The following SLC39A11 variants were observed in gnomAD, a reference collection of about 807,000 sequenced individuals.
SLC39A11 encodes the protein solute carrier family 39 member 11.
Under a neutral mutation model 36.1 loss-of-function variants are expected in SLC39A11, and 33 were observed. That is an observed-to-expected ratio of 0.91 (90% CI 0.69 to 1.22). The LOEUF (loss-of-function observed/expected upper bound fraction) is 1.22. Ranked by LOEUF, SLC39A11 falls within the 50% of genes most tolerant of loss-of-function variation. The pLI is 0.00. For synonymous variants in SLC39A11, 166 were observed against 170.3 expected, an observed-to-expected ratio of 0.97 and a Z score of 0.20; for missense variants, 432 against 430.3, an observed-to-expected ratio of 1.00 and a Z score of -0.03.
chr17:72,849,109 C>A (rs932289904), intron 6 of SLC39A11, among the ~76,000 whole-genome samples: 1 of 152,122 alleles, frequency 6.6e-6, no homozygotes, highest in African/African-American at 2.4e-5. Context: ...ATTTACTATT[C>A]ATTAAGTGGA....
chr17:72,713,384 C>G lies in SLC39A11; in HGVS notation c.671+23266G>C, dbSNP rs111954026. Among the ~76,000 whole-genome samples the G allele has an allele frequency of 7.0e-4, 107 of 152,300 alleles. 1 individual carries two copies. The highest frequency in any genetic ancestry group is 2.3e-3 in the African/African-American group (96 of 41,560). ...CGCATCTTACAAAGCAGGAGCTCCT[C>G]CTGCACTCCCAGCCAGGGTGTAGAT... On this transcript the variant is annotated intron_variant, in intron 7 of 9. Coordinates refer to ENST00000255559, the MANE Select transcript of SLC39A11 (RefSeq NM_139177.4).
chr17:73,016,995 G>A (rs2058190225), intron 4 of SLC39A11, among the ~76,000 whole-genome samples: 1 of 152,196 alleles, frequency 6.6e-6, no homozygotes, highest in African/African-American at 2.4e-5. Flanking sequence ...CTAGAAGCAG[G>A]TATCAGTCAA....
intron 6 of SLC39A11, among the ~76,000 whole-genome samples, chr17:72,767,597 T>C (rs779942595): frequency 5.3e-5 from 8 of 152,194 alleles, no homozygotes; most frequent in Admixed American, 1.3e-4. Context: ...CTTCCATGAG[T>C]TGGTCAGCAG....
intron 7 of SLC39A11, among the ~76,000 whole-genome samples, chr17:72,721,966 C>T (rs1219129049): frequency 2.3e-5 from 1 of 43,328 alleles, no homozygotes; most frequent in African/African-American, 1.4e-4. Flanking sequence ...AAGCCTCCAT[C>T]TCAAAAAAAA....
At chr17:72,781,242 C>G (rs2076306097) in intron 6 of SLC39A11, among the ~76,000 whole-genome samples, 1 of 152,168 alleles carries the variant, frequency 6.6e-6, no homozygotes, top group Admixed American at 6.5e-5. Context: ...CCACGATCCT[C>G]TCAAACTCTC....
intron 4 of SLC39A11, among the ~76,000 whole-genome samples, chr17:72,994,844 T>A (rs2089407846): frequency 6.6e-6 from 1 of 152,228 alleles, no homozygotes; most frequent in South Asian, 2.1e-4. Flanking sequence ...AGCTTCTCCA[T>A]GCTTTGAATA....
At chr17:72,667,622 A>G (rs2070815356) in intron 7 of SLC39A11, among the ~76,000 whole-genome samples, 1 of 152,158 alleles carries the variant, frequency 6.6e-6, no homozygotes, top group East Asian at 1.9e-4. Context: ...ATATGCTACC[A>G]ATGCTATGAA....
At chr17:72,756,367 A>G (rs2075363772) in intron 6 of SLC39A11, among the ~76,000 whole-genome samples, 1 of 152,222 alleles carries the variant, frequency 6.6e-6, no homozygotes, top group African/African-American at 2.4e-5. Flanking sequence ...AGCAGCTCAA[A>G]CCTGGAAGCA....
rs2075059674 is a variant in SLC39A11, at chr17:72,749,280, GCTTGCAAC to G, written c.602-12569_602-12562del. ...ACCAATGAAGCCGTGGTGTAGAAAA[GCTTGCAAC>G]CCGGTAGCAAAGTTCCTTGACTCTG... is the stretch of plus-strand genomic sequence containing the variant. On this transcript the variant is annotated intron_variant, in intron 6 of 9. Coordinates refer to ENST00000255559, the MANE Select transcript of SLC39A11 (RefSeq NM_139177.4). 6.6e-5 allele frequency among the ~76,000 whole-genome samples: 10 copies of G among 152,296 alleles called. No homozygotes were observed. The South Asian group carries it at 2.1e-3, about 32-fold the overall frequency.
chr17:72,792,099 C>T (rs1308620747), intron 6 of SLC39A11, among the ~76,000 whole-genome samples: 2 of 152,134 alleles, frequency 1.3e-5, no homozygotes, highest in Non-Finnish European at 2.9e-5. Context: ...GGGAGACATC[C>T]CTCACCTTAA....
At chr17:72,693,747 C>T (rs1025738049) in intron 7 of SLC39A11, among the ~76,000 whole-genome samples, 3 of 152,208 alleles carry the variant, frequency 2.0e-5, no homozygotes, top group Non-Finnish European at 2.9e-5. Context: ...ACTCCAACCT[C>T]TGCCTCCCAG....
chr17:72,955,428 G>A (rs538954512), intron 4 of SLC39A11, among the ~76,000 whole-genome samples: 3 of 149,422 alleles, frequency 2.0e-5, no homozygotes, highest in East Asian at 3.9e-4. Context: ...TCAGCCTCTC[G>A]AGTAGTTGGG....
At chr17:72,699,127 C>A (rs1229691286) in intron 7 of SLC39A11, among the ~76,000 whole-genome samples, 1 of 152,118 alleles carries the variant, frequency 6.6e-6, no homozygotes, top group African/African-American at 2.4e-5. Flanking sequence ...CAGCGCCTGG[C>A]CGGAGGTTGG....
intron 7 of SLC39A11, among the ~76,000 whole-genome samples, chr17:72,714,910 A>C (rs929099586): frequency 1.3e-5 from 2 of 152,238 alleles, no homozygotes; most frequent in Non-Finnish European, 2.9e-5. Context: ...TTGTTTAAAC[A>C]GCAGTTGGTG....
chr17:72,987,800 C>T (rs1010631325), intron 4 of SLC39A11, among the ~76,000 whole-genome samples: 9 of 152,128 alleles, frequency 5.9e-5, no homozygotes, highest in African/African-American at 2.2e-4. Flanking sequence ...AACAATCTCC[C>T]TCATCCACTC....
At chr17:73,035,863 CAAAAAAAAAA>C (rs1174297357) in intron 3 of SLC39A11, among the ~76,000 whole-genome samples, 26 of 65,554 alleles carry the variant, frequency 4.0e-4, no homozygotes, top group South Asian at 7.2e-4. Context: ...CACTCCATCT[CAAAAAAAAAA>C]AAAAAAAAAA....
chr17:72,754,039 TATATATACACATAC>T lies in SLC39A11; in HGVS notation c.602-17334_602-17321del, dbSNP rs1363188431. On this transcript the variant is annotated intron_variant, in intron 6 of 9. Coordinates refer to ENST00000255559, the MANE Select transcript of SLC39A11 (RefSeq NM_139177.4). Reference sequence around the variant, plus strand: ...ATATATGTATATATATATATATATATATATATACACATACACACACACACACACACACACACACA... The same window carrying T: ...ATATATGTATATATATATATATATATACACACACACACACACACACACACA... Among the ~76,000 whole-genome samples the T allele has an allele frequency of 4.4e-3, 481 of 109,714 alleles. 5 individuals are homozygous for T. Among genetic ancestry groups the T allele is most frequent in the Middle Eastern group, 0.013 (3 of 232 alleles). The allele number at this position is 109,714 out of a possible 152,430, so 72.0% of individuals were successfully genotyped here. A position where few individuals can be genotyped will look rare whatever the true frequency, so the allele number is the denominator to read the frequency against.
intron 6 of SLC39A11, among the ~76,000 whole-genome samples, chr17:72,748,682 C>T (rs143056927): frequency 7.4e-4 from 113 of 152,318 alleles, no homozygotes; most frequent in Non-Finnish European, 1.4e-3. Context: ...TTTCAATTTG[C>T]TTTAGTTCTC....
At chr17:72,900,371 A>C (rs537627410) in intron 5 of SLC39A11, among the ~76,000 whole-genome samples, 1 of 152,058 alleles carries the variant, frequency 6.6e-6, no homozygotes, top group Non-Finnish European at 1.5e-5. Context: ...GGCAGGCATC[A>C]GGGTTCTGAG....
Sources: gnomAD v4.1 joint callset for allele counts (sites outside exome capture counted in the v4.1 genomes callset) on GRCh38, gnomAD v4.1.1 for gene constraint, MANE v1.5 for transcripts, NCBI Gene and HGNC (gene_info 2026-07-23, HGNC 2026-07-21) for gene names.